The following THSD7B variants were observed in gnomAD, a reference collection of about 807,000 sequenced individuals.
THSD7B encodes thrombospondin type-1 domain-containing protein 7B.
A neutral mutation model predicts 213.6 loss-of-function variants in THSD7B; 138 were observed. The ratio of observed to expected loss-of-function variants is 0.65; its 90% CI spans 0.56 to 0.74. THSD7B has a LOEUF of 0.74. THSD7B is among the 30% of genes least tolerant of loss of function. The pLI is 0.00. For missense variants in THSD7B, 1,931 were observed against 1,991.5 expected (o/e 0.97, Z 0.58); for synonymous variants, 742 against 687.0 (o/e 1.08, Z -1.25).
Position 136,982,319 on chromosome 2 carries a change from C to CTT in THSD7B, c.140-74090_140-74089dup, listed in dbSNP as rs36080141. On this transcript the variant is annotated intron_variant, in intron 2 of 27. Coordinates refer to ENST00000409968, the MANE Select transcript of THSD7B (RefSeq NM_001316349.2). ...TTTGGTGCTATGTGAGCAAATTGTA[C>CTT]TTTTTTTTTTTTAAGTTTTCTTAAC... Among the ~76,000 whole-genome samples, 414 of 149,680 alleles carry CTT rather than the reference C, an allele frequency of 2.8e-3. 2 individuals are homozygous for CTT. Among genetic ancestry groups the CTT allele is most frequent in the Admixed American group, 6.4e-3 (96 of 15,032 alleles).
At position 137,222,760 on chromosome 2, in the gene THSD7B, A is replaced by T. The variant is rs189377290; in HGVS notation, c.1724-8284A>T. Among the ~76,000 whole-genome samples the T allele has an allele frequency of 5.7e-4, 87 of 152,300 alleles. 1 individual carries two copies. The South Asian group carries it at 8.3e-3, about 15-fold the overall frequency. ...TGTGCAAGAGCCAGGCGTATAGAAG[A>T]GTGCTTTGTAAATACCACATAGCTC... On this transcript the variant is annotated intron_variant, in intron 7 of 27. Coordinates refer to ENST00000409968, the MANE Select transcript of THSD7B (RefSeq NM_001316349.2).
intron 1 of THSD7B, among the ~76,000 whole-genome samples, chr2:136,783,850 A>G (rs1016940315): frequency 6.6e-6 from 1 of 152,220 alleles, no homozygotes; most frequent in Non-Finnish European, 1.5e-5. Flanking sequence ...TTAGTTAATC[A>G]GTGGTGTCAA....
intron 1 of THSD7B, among the ~76,000 whole-genome samples, chr2:136,809,841 A>C (rs1682347765): frequency 6.6e-6 from 1 of 152,098 alleles, no homozygotes; most frequent in East Asian, 1.9e-4. Flanking sequence ...AGATGACAAT[A>C]ATGAAAAAAG....
chr2:136,840,739 GA>G (rs1682908872), intron 1 of THSD7B, among the ~76,000 whole-genome samples: 1 of 152,158 alleles, frequency 6.6e-6, no homozygotes, highest in Non-Finnish European at 1.5e-5. Context: ...ATATTCCAGG[GA>G]ACTTGCTCTG....
chr2:137,539,823 C>T (rs1332672040), intron 15 of THSD7B, among the ~76,000 whole-genome samples: 1 of 151,620 alleles, frequency 6.6e-6, no homozygotes, highest in Admixed American at 6.6e-5. Context: ...ATTGTGTTGA[C>T]TTAAAGTCAT....
chr2:137,645,790 G>T (rs1025742389), intron 21 of THSD7B, among the ~76,000 whole-genome samples: 2 of 151,924 alleles, frequency 1.3e-5, no homozygotes, highest in Admixed American at 6.6e-5. Context: ...CTTCTTTCCA[G>T]GTACACAAAG....
chr2:137,293,327 C>T (rs949091856), intron 12 of THSD7B, among the ~76,000 whole-genome samples: 2 of 151,858 alleles, frequency 1.3e-5, no homozygotes, highest in Non-Finnish European at 2.9e-5. Flanking sequence ...TGGGTAGAAA[C>T]GGGTTTTGCC....
At chr2:137,190,359 G>A (rs1181966464) in intron 7 of THSD7B, among the ~76,000 whole-genome samples, 1 of 152,058 alleles carries the variant, frequency 6.6e-6, no homozygotes, top group Non-Finnish European at 1.5e-5. Flanking sequence ...GTGTGCAAGT[G>A]GCTTGAAGAA....
rs1682453177 is a variant in THSD7B, at chr2:137,618,520, T to C, written c.3681+13T>C. 6.2e-7 allele frequency: 1 copy of C among 1,609,488 alleles called. No individual in the cohort carries two copies. Among genetic ancestry groups the C allele is most frequent in the South Asian group, 1.1e-5 (1 of 90,576 alleles). ...CCAATGTGAGCAGGTACTGTGTTTA[T>C]ATTCATATCTCACATCCAAGGCTTT... On this transcript the variant is annotated intron_variant, in intron 19 of 27. Coordinates refer to ENST00000409968, the MANE Select transcript of THSD7B (RefSeq NM_001316349.2).
At chr2:137,022,249 T>C (rs891541931) in intron 2 of THSD7B, among the ~76,000 whole-genome samples, 2 of 152,214 alleles carry the variant, frequency 1.3e-5, no homozygotes, top group African/African-American at 4.8e-5. Context: ...ATGTTTAGTT[T>C]TGTAAGAAAC....
At chr2:137,018,793 C>T (rs143038331) in intron 2 of THSD7B, among the ~76,000 whole-genome samples, 1,820 of 152,286 alleles carry the variant, frequency 0.012, 38 homozygotes, top group African/African-American at 0.042. Context: ...TTATTGTTGT[C>T]TGTCAAGTGT....
At chr2:136,966,818 T>C (rs1196010615) in intron 2 of THSD7B, among the ~76,000 whole-genome samples, 1 of 152,204 alleles carries the variant, frequency 6.6e-6, no homozygotes, top group Admixed American at 6.5e-5. Flanking sequence ...CAACCTTTTT[T>C]CCTTCTTTCT....
At chr2:137,255,825 G>T (rs912598397) in intron 10 of THSD7B, among the ~76,000 whole-genome samples, 3 of 152,074 alleles carry the variant, frequency 2.0e-5, no homozygotes, top group Admixed American at 1.3e-4. Flanking sequence ...CTGAGTGGCT[G>T]GGACTACAGG....
At chr2:137,055,150 G>A (rs1371115280) in intron 2 of THSD7B, among the ~76,000 whole-genome samples, 16 of 152,126 alleles carry the variant, frequency 1.1e-4, no homozygotes, top group Non-Finnish European at 1.5e-4. Context: ...CATGGTGTAC[G>A]TGTGCCACAT....
chr2:137,606,683 C>A (rs1252554486), intron 17 of THSD7B, among the ~76,000 whole-genome samples: 2 of 152,052 alleles, frequency 1.3e-5, no homozygotes, highest in Admixed American at 1.3e-4. Context: ...CCTCACAGAC[C>A]AGGAGGCCTC....
chr2:137,103,119 G>T (rs1184485272), intron 4 of THSD7B, among the ~76,000 whole-genome samples: 1 of 152,190 alleles, frequency 6.6e-6, no homozygotes, highest in Non-Finnish European at 1.5e-5. Context: ...AGGAAAAAAT[G>T]TTGAGGGCAG....
intron 2 of THSD7B, among the ~76,000 whole-genome samples, chr2:137,036,700 A>G (rs891689163): frequency 6.6e-6 from 1 of 152,170 alleles, no homozygotes; most frequent in Non-Finnish European, 1.5e-5. Flanking sequence ...AAGTAGGGGA[A>G]TATTGCTGAA....
chr2:137,246,523 G>T (rs1287385640), intron 10 of THSD7B, among the ~76,000 whole-genome samples: 1 of 152,094 alleles, frequency 6.6e-6, no homozygotes, highest in East Asian at 1.9e-4. Flanking sequence ...GTTTTATTTT[G>T]TCCCGGCTTG....
At chr2:137,342,163 T>G (rs1419761329) in intron 12 of THSD7B, among the ~76,000 whole-genome samples, 1 of 151,606 alleles carries the variant, frequency 6.6e-6, no homozygotes, top group Non-Finnish European at 1.5e-5. Flanking sequence ...ATTTGTATAT[T>G]CTTGAATGTC....
Sources: gnomAD v4.1 joint callset for allele counts (sites outside exome capture counted in the v4.1 genomes callset) on GRCh38, gnomAD v4.1.1 for gene constraint, MANE v1.5 for transcripts, NCBI Gene and HGNC (gene_info 2026-07-23, HGNC 2026-07-21) for gene names.